CFAP20DC: variants seen among roughly 807,000 people sequenced by gnomAD.
CFAP20DC encodes protein CFAP20DC.
A neutral mutation model predicts 101.7 loss-of-function variants in CFAP20DC; 84 were observed. The observed-to-expected ratio is 0.83, with a 90% confidence interval of 0.69 to 0.99. The LOEUF is 0.99. Ranked by LOEUF, CFAP20DC falls within the 50% of genes least tolerant of loss-of-function variation. The probability of loss-of-function intolerance (pLI) is 0.00; values close to 1 mark genes in which losing one functional copy is unlikely to be tolerated. For synonymous variants in CFAP20DC, 359 were observed against 351.2 expected (o/e 1.02, Z -0.25); for missense variants, 1,007 against 970.3 (o/e 1.04, Z -0.50).
Position 58,863,454 on chromosome 3 carries a change from A to C in CFAP20DC, c.1593+104T>G, listed in dbSNP as rs1320585202. 2.7e-6 allele frequency: 4 copies of C among 1,506,900 alleles called. No individual in the cohort carries two copies. In the African/African-American group the frequency reaches 4.2e-5, roughly 16 times the overall value. 93.3% of individuals were successfully genotyped at this position (1,506,900 alleles called of 1,614,324 possible). A position where few individuals can be genotyped will look rare whatever the true frequency, so the allele number is the denominator to read the frequency against. ...CATGGCAATCTGTTGCATTTTTATA[A>C]ATAGCAGTTGATTTTCCCTCTTTCA... On this transcript the variant is annotated intron_variant, in intron 12 of 16. Coordinates refer to ENST00000482387, the MANE Select transcript of CFAP20DC (RefSeq NM_001394063.1). The surrounding 1 kb of genome is among the most constrained non-coding windows in gnomAD (Gnocchi z 5.9).
intron 3 of CFAP20DC, among the ~76,000 whole-genome samples, chr3:59,041,414 G>A (rs1211386119): frequency 1.3e-5 from 2 of 151,944 alleles, no homozygotes; most frequent in Non-Finnish European, 2.9e-5. Flanking sequence ...ATACCATATG[G>A]TGATGATCTG....
At chr3:58,716,793 G>C (rs1266812682), downstream of CFAP20DC, among the ~76,000 whole-genome samples, 4 of 152,108 alleles carry the variant, frequency 2.6e-5, no homozygotes, top group Admixed American at 6.5e-5. Flanking sequence ...TCCTCCTCCT[G>C]TTCTGGGCCT....
At chr3:58,778,664 T>C (rs1307524417) in intron 15 of CFAP20DC, among the ~76,000 whole-genome samples, 1 of 152,220 alleles carries the variant, frequency 6.6e-6, no homozygotes, top group East Asian at 1.9e-4. Flanking sequence ...AGAATTGGCC[T>C]GCCTGGACCC....
chr3:59,026,210 A>C (rs1268645807), intron 4 of CFAP20DC, among the ~76,000 whole-genome samples: 1 of 152,198 alleles, frequency 6.6e-6, no homozygotes, highest in Non-Finnish European at 1.5e-5. Flanking sequence ...GAAAAAATAG[A>C]AATTGAAATT....
Position 58,863,820 on chromosome 3 carries a change from C to G in CFAP20DC, c.1331G>C (p.Gly444Ala). The G allele has an allele frequency of 6.2e-7, 1 of 1,614,180 alleles. No individual in the cohort carries two copies. The highest frequency in any genetic ancestry group is 1.7e-4 in the Middle Eastern group (1 of 6,060). Reference sequence around the variant, plus strand: ...GTGTGATGGGTTGCAGGAGTCATCACCCAGAAGTAGAGACTGTCTGCTGGA... The same window carrying G: ...GTGTGATGGGTTGCAGGAGTCATCAGCCAGAAGTAGAGACTGTCTGCTGGA... The part of the protein sequence containing the change: ...LASSRQSLLL[G>A]DDSCNPSHLW... Residue 444 changes from glycine (G) to alanine (A), a missense_variant, in exon 12 of 17, where the codon GGT (glycine) becomes GCT (alanine). Gly to Ala is a moderately conservative substitution (Grantham distance 60). Transcript: ENST00000482387. This position sits in a 1 kb window ranked among gnomAD's most constrained non-coding sequence, Gnocchi z 5.9.
chr3:58,735,036 G>A (rs1436905681), intron 3 of CFAP20DC, among the ~76,000 whole-genome samples: 1 of 152,086 alleles, frequency 6.6e-6, no homozygotes, highest in East Asian at 1.9e-4. Context: ...ACTATAAATG[G>A]AAAGACTCCA....
In CFAP20DC at chr3:58,868,238, A is replaced by T. The variant is rs1352807755; in HGVS notation, c.1016-302T>A. 6.6e-6 allele frequency among the ~76,000 whole-genome samples: 1 copy of T among 152,172 alleles called. No individual in the cohort carries two copies. The highest frequency in any genetic ancestry group is 1.5e-5 in the Non-Finnish European group (1 of 67,998). ...ATGGCATATTAAAAAACATTACAAAATGAAACTGACAGCCAACACAGAAAA... is the reference window on the plus strand; with the variant it reads ...ATGGCATATTAAAAAACATTACAAATTGAAACTGACAGCCAACACAGAAAA... On this transcript the variant is annotated intron_variant, in intron 9 of 16. Coordinates refer to ENST00000482387, the MANE Select transcript of CFAP20DC (RefSeq NM_001394063.1). The surrounding 1 kb of genome is among the most constrained non-coding windows in gnomAD (Gnocchi z 4.6).
chr3:58,799,643 C>G lies in CFAP20DC; in HGVS notation c.2237+6752G>C, dbSNP rs375874529. On this transcript the variant is annotated intron_variant, in intron 15 of 16. Transcript: ENST00000482387. This position sits in a 1 kb window ranked among gnomAD's most constrained non-coding sequence, Gnocchi z 4.9. ...AGTATATCCCTTGAAACTAGGGAGA[C>G]ACTGAACAAGTGAGATAAGGTTTTC... 2.6e-4 allele frequency among the ~76,000 whole-genome samples: 40 copies of G among 152,112 alleles called. No homozygotes were observed. The highest frequency in any genetic ancestry group is 9.2e-4 in the African/African-American group (38 of 41,500).
At chr3:59,048,429 A>G (rs565492110) in intron 1 of CFAP20DC, among the ~76,000 whole-genome samples, 1 of 152,302 alleles carries the variant, frequency 6.6e-6, no homozygotes, top group South Asian at 2.1e-4. Context: ...GTAATATTTC[A>G]CTATGAATTT....
At chr3:58,873,170 G>A (rs996707578) in intron 7 of CFAP20DC, among the ~76,000 whole-genome samples, 4 of 150,502 alleles carry the variant, frequency 2.7e-5, no homozygotes, top group South Asian at 2.1e-4. Flanking sequence ...GATGCTGTAA[G>A]GCAGATGTTC....
chr3:58,809,716 G>A (rs13323289), intron 14 of CFAP20DC, among the ~76,000 whole-genome samples: 18,275 of 151,976 alleles, frequency 0.12, 1,998 homozygotes, highest in East Asian at 0.35. Flanking sequence ...GCAGGACTGA[G>A]GGAAATAGAA....
At chr3:58,754,851 A>G (rs2068820316) in intron 15 of CFAP20DC, among the ~76,000 whole-genome samples, 2 of 152,176 alleles carry the variant, frequency 1.3e-5, no homozygotes, top group South Asian at 4.1e-4. Flanking sequence ...TGAAAAGGAG[A>G]TAATAACAAA....
intron 14 of CFAP20DC, among the ~76,000 whole-genome samples, chr3:58,821,532 A>C (rs2075644744): frequency 6.6e-6 from 1 of 151,360 alleles, no homozygotes; most frequent in Non-Finnish European, 1.5e-5. Flanking sequence ...CAGCCAAAAA[A>C]CACATGAAAA....
chr3:58,938,677 G>A (rs2088061465), intron 4 of CFAP20DC, among the ~76,000 whole-genome samples: 1 of 151,688 alleles, frequency 6.6e-6, no homozygotes, highest in South Asian at 2.1e-4. Flanking sequence ...TTTAAAATTG[G>A]CATTGTCTTT....
At chr3:58,757,644 T>C (rs1480970218) in intron 15 of CFAP20DC, among the ~76,000 whole-genome samples, 1 of 152,150 alleles carries the variant, frequency 6.6e-6, no homozygotes, top group Non-Finnish European at 1.5e-5. Flanking sequence ...TTTTCTTCCA[T>C]TTACTTAAAT....
rs1385210823 is a variant in CFAP20DC, at chr3:58,861,270, A to C, written c.1593+2288T>G. ...TTTTAATTACACTTTATAAACTTCA[A>C]GCATAATAATATAATTGTTATTCAC... On this transcript the variant is annotated intron_variant, in intron 12 of 16. Transcript: ENST00000482387. This position sits in a 1 kb window ranked among gnomAD's most constrained non-coding sequence, Gnocchi z 4.0. 3.1e-6 allele frequency: 2 copies of C among 636,114 alleles called. No individual in the cohort carries two copies. Among genetic ancestry groups the C allele is most frequent in the South Asian group, 1.4e-4 (2 of 14,054 alleles). The allele number at this position is 636,114 out of a possible 1,614,324, so 39.4% of individuals were successfully genotyped here.
intron 7 of CFAP20DC, among the ~76,000 whole-genome samples, chr3:58,883,201 C>T (rs1169008731): frequency 1.3e-5 from 2 of 152,214 alleles, no homozygotes; most frequent in African/African-American, 4.8e-5. Flanking sequence ...TGCCAGTTTT[C>T]CTGGCAATTG....
At chr3:58,935,361 T>C (rs1221377788) in intron 5 of CFAP20DC, among the ~76,000 whole-genome samples, 4 of 151,912 alleles carry the variant, frequency 2.6e-5, no homozygotes, top group East Asian at 1.9e-4. Flanking sequence ...AGGTAATTTA[T>C]AGATTCAATG....
chr3:59,047,400 C>G, intron 1 of CFAP20DC, 146 bp from the exon 2 acceptor site: 1 of 588,734 alleles, frequency 1.7e-6, no homozygotes, highest in South Asian at 2.3e-5. Flanking sequence ...TACTTTATAC[C>G]TTGATTGTAT....
Sources: gnomAD v4.1 joint callset for allele counts (sites outside exome capture counted in the v4.1 genomes callset) on GRCh38, gnomAD v4.1.1 for gene constraint, Gnocchi (gnomAD v3.1) non-coding constraint, MANE v1.5 for transcripts, NCBI Gene and HGNC (gene_info 2026-07-23, HGNC 2026-07-21) for gene names.